RGSL1: variants seen among roughly 807,000 people sequenced by gnomAD.
RGSL1 encodes regulator of G protein signaling like 1, also known as regulator of G protein signaling protein-like.
In RGSL1, 97 loss-of-function variants were observed where a neutral mutation model predicts 124.7. The ratio of observed to expected loss-of-function variants is 0.78; its 90% CI spans 0.66 to 0.92. The LOEUF (loss-of-function observed/expected upper bound fraction) is 0.92. Among genes scored for constraint, RGSL1 ranks in the 40% least tolerant of loss-of-function variants. The probability of loss-of-function intolerance (pLI) is 0.00; values close to 1 mark genes in which losing one functional copy is unlikely to be tolerated. For synonymous variants in RGSL1, 424 were observed against 438.1 expected, an observed-to-expected ratio of 0.97 and a Z score of 0.40; for missense variants, 1,233 against 1,288.4, an observed-to-expected ratio of 0.96 and a Z score of 0.66.
chr1:182,523,206 T>C (rs12758620), intron 10 of RGSL1, among the ~76,000 whole-genome samples: 125,125 of 145,074 alleles, frequency 0.86, 53,927 homozygotes, highest in Non-Finnish European at 0.89. Context: ...CTGTTTTTTT[T>C]TCTTTTTTTT....
At chr1:182,491,654 T>C (rs995191994) in intron 8 of RGSL1, among the ~76,000 whole-genome samples, 3 of 152,036 alleles carry the variant, frequency 2.0e-5, no homozygotes, top group African/African-American at 4.8e-5. Context: ...TTAACACTTT[T>C]GGTCAAGATT....
rs1215005111 is a variant in RGSL1 at position 182,474,329 on chromosome 1, G to A, written c.1218G>A (p.Leu406=). The A allele has an allele frequency of 1.3e-6, 2 of 1,551,842 alleles. No individual in the cohort carries two copies. The highest frequency in any genetic ancestry group is 2.4e-5 in the South Asian group (2 of 84,068). Reference sequence around the variant, plus strand: ...AACTTCTTGACCTCTGGCAGGACTTGCAGCATTTCCTCAGTGTCCTTCTGA... The same window carrying A: ...AACTTCTTGACCTCTGGCAGGACTTACAGCATTTCCTCAGTGTCCTTCTGA... ...EIQLLDLWQD[L]QHFLSVLLNN... Residue 406 remains leucine, a synonymous_variant, in exon 6 of 22, where the codon TTG becomes TTA. Transcript: ENST00000294854.
chr1:182,556,214 C>T lies in RGSL1; in HGVS notation c.*157C>T, dbSNP rs911649248. The T allele has an allele frequency of 5.8e-5, 40 of 684,592 alleles. No individual in the cohort carries two copies. The highest frequency in any genetic ancestry group is 8.7e-5 in the Non-Finnish European group (35 of 400,218). The allele number at this position is 684,592 out of a possible 1,614,324, so 42.4% of individuals were successfully genotyped here. A position where few individuals can be genotyped will look rare whatever the true frequency, so the allele number is the denominator to read the frequency against. ...ACAGCCCAGATATGGCAGGACCAGA[C>T]TGCAATGGGTAAGACTTGGGCAGAG... On this transcript the variant is annotated 3_prime_UTR_variant, in exon 21 of 22. Transcript: ENST00000294854.
At chr1:182,473,169 G>A (rs1434052384) in intron 5 of RGSL1, among the ~76,000 whole-genome samples, 4 of 152,194 alleles carry the variant, frequency 2.6e-5, no homozygotes, top group Admixed American at 6.5e-5. Flanking sequence ...ACTCACATAG[G>A]TAATTGAGAA....
At chr1:182,477,761 A>C (rs1334713997) in intron 6 of RGSL1, among the ~76,000 whole-genome samples, 1 of 152,192 alleles carries the variant, frequency 6.6e-6, no homozygotes, top group Non-Finnish European at 1.5e-5. Context: ...AGCCAACAGC[A>C]GGCCTGCCTA....
chr1:182,546,446 G>A (rs1660215433), intron 15 of RGSL1, among the ~76,000 whole-genome samples: 1 of 152,052 alleles, frequency 6.6e-6, no homozygotes, highest in African/African-American at 2.4e-5. Context: ...CGCCAGGCTG[G>A]AGTGTGGCAC....
In RGSL1 at chr1:182,522,085, T is replaced by C. The variant is rs932950251; in HGVS notation, c.1907T>C (p.Val636Ala). 4 of 1,550,164 alleles carry C rather than the reference T, an allele frequency of 2.6e-6. No individual in the cohort carries two copies. The African/African-American group carries it at 5.5e-5, about 21-fold the overall frequency. Residue 636 changes from valine (V) to alanine (A), a missense_variant, in exon 10 of 22, where the codon GTA (valine) becomes GCA (alanine). Coordinates refer to ENST00000294854, the MANE Select transcript of RGSL1 (RefSeq NM_001137669.2). Reference protein sequence around the residue: ...RKMSLLKRTLVRKPSMRPRNL... With the variant: ...RKMSLLKRTLARKPSMRPRNL... The stretch of plus-strand genomic sequence containing the variant: ...ATGTCCTTGCTCAAAAGAACTCTTG[T>C]AAGGAAGCCATCAATGAGACCCAGG...
intron 3 of RGSL1, among the ~76,000 whole-genome samples, chr1:182,458,660 A>G (rs961510400): frequency 3.3e-5 from 5 of 152,000 alleles, no homozygotes; most frequent in Admixed American, 6.6e-5. Context: ...TTTGGTAGAG[A>G]CGGAGTTTCA....
At chr1:182,485,073 C>T (rs1371148370) in intron 6 of RGSL1, among the ~76,000 whole-genome samples, 1 of 152,164 alleles carries the variant, frequency 6.6e-6, no homozygotes, top group Non-Finnish European at 1.5e-5. Context: ...CATTAGGCAG[C>T]TCCCTCAGCT....
chr1:182,484,520 C>A (rs988046729), intron 6 of RGSL1, among the ~76,000 whole-genome samples: 2 of 152,132 alleles, frequency 1.3e-5, no homozygotes, highest in African/African-American at 4.8e-5. Flanking sequence ...GCAGTTCCAC[C>A]AATGCATCAA....
intron 9 of RGSL1, among the ~76,000 whole-genome samples, chr1:182,509,855 G>A (rs1403273251): frequency 1.4e-4 from 18 of 129,206 alleles, no homozygotes; most frequent in African/African-American, 1.8e-4. Context: ...GGTGGCTGCC[G>A]GGCGGAGACG....
intron 9 of RGSL1, among the ~76,000 whole-genome samples, chr1:182,504,472 CTTTTTTTTTTTT>C (rs60918424): frequency 8.4e-5 from 5 of 59,496 alleles, no homozygotes; most frequent in Non-Finnish European, 9.3e-5. Flanking sequence ...ATGAGCCATA[CTTTTTTTTTTTT>C]TTTTTTTTTT....
At chr1:182,456,719 G>A (rs1014253785) in intron 2 of RGSL1, among the ~76,000 whole-genome samples, 1 of 152,204 alleles carries the variant, frequency 6.6e-6, no homozygotes, top group Non-Finnish European at 1.5e-5. Flanking sequence ...GTATAAGAAA[G>A]TCCTAGCCAC....
At chr1:182,530,759 C>T in intron 12 of RGSL1, 31 bp from the exon 13 acceptor site, 2 of 1,493,566 alleles carry the variant, frequency 1.3e-6, no homozygotes, top group Non-Finnish European at 1.8e-6. Flanking sequence ...GGTTTTTGCC[C>T]TGTTTGATAT....
chr1:182,464,994 TGA>T (rs1294236079), intron 4 of RGSL1, among the ~76,000 whole-genome samples: 1 of 150,544 alleles, frequency 6.6e-6, no homozygotes, highest in Non-Finnish European at 1.5e-5. Flanking sequence ...GAGGATTGCT[TGA>T]GCCCAGGAGT....
Position 182,560,468 on chromosome 1 carries a change from C to T in RGSL1, c.*355C>T, listed in dbSNP as rs957035620. ...CATCTATCCCTCATTTTGAGAGCCT[C>T]CAACTGATCCAAGTGTCATCCGGAG... On this transcript the variant is annotated 3_prime_UTR_variant, in exon 22 of 22. Coordinates refer to ENST00000294854, the MANE Select transcript of RGSL1 (RefSeq NM_001137669.2). The T allele has an allele frequency of 6.6e-6, 1 of 152,188 alleles. No homozygotes were observed. Among genetic ancestry groups the T allele is most frequent in the African/African-American group, 2.4e-5 (1 of 41,436 alleles). The allele number at this position is 152,188 out of a possible 1,614,324, so 9.4% of individuals were successfully genotyped here.
At chr1:182,460,895 G>T in intron 4 of RGSL1, 1 of 368,396 alleles carries the variant, frequency 2.7e-6, no homozygotes, top group East Asian at 7.3e-5. Flanking sequence ...CCAGCCCCAT[G>T]GCACACAGTT....
chr1:182,546,476 C>A (rs549682207), intron 15 of RGSL1, among the ~76,000 whole-genome samples: 1 of 152,264 alleles, frequency 6.6e-6, no homozygotes, highest in East Asian at 1.9e-4. Context: ...TCACTTAAAC[C>A]TCCACCTCCT....
chr1:182,552,891 A>T (rs1474760865), intron 18 of RGSL1, among the ~76,000 whole-genome samples: 1 of 152,146 alleles, frequency 6.6e-6, no homozygotes, highest in Non-Finnish European at 1.5e-5. Flanking sequence ...GACCCCTCAT[A>T]GCTTCATCAC....
Sources: gnomAD v4.1 joint callset for allele counts (sites outside exome capture counted in the v4.1 genomes callset) on GRCh38, gnomAD v4.1.1 for gene constraint, MANE v1.5 for transcripts, NCBI Gene and HGNC (gene_info 2026-07-23, HGNC 2026-07-21) for gene names.